Variants in AKAP6 observed in about 807,000 individuals in gnomAD.
AKAP6 encodes A-kinase anchor protein 6.
A neutral mutation model predicts 188.5 loss-of-function variants in AKAP6; 58 were observed. That is an observed-to-expected ratio of 0.31 (90% CI 0.25 to 0.38). AKAP6 has a LOEUF of 0.38. Among genes scored for constraint, AKAP6 ranks in the 10% least tolerant of loss-of-function variants. AKAP6 has a pLI of 1.00. For missense variants in AKAP6, 2,710 were observed against 2,740.0 expected (o/e 0.99, Z 0.24); for synonymous variants, 989 against 998.6 (o/e 0.99, Z 0.18).
At chr14:32,593,556 A>G (rs1455886623) in intron 5 of AKAP6, among the ~76,000 whole-genome samples, 1 of 152,208 alleles carries the variant, frequency 6.6e-6, no homozygotes, top group African/African-American at 2.4e-5. Flanking sequence ...GCCCTTGGGT[A>G]GATGAGTGGT....
At chr14:32,660,650 TG>T (rs1888647943) in intron 7 of AKAP6, among the ~76,000 whole-genome samples, 2 of 152,098 alleles carry the variant, frequency 1.3e-5, no homozygotes, top group South Asian at 4.1e-4. Flanking sequence ...TAAAGGAGTT[TG>T]TGAGGCCTAT....
intron 5 of AKAP6, among the ~76,000 whole-genome samples, chr14:32,579,098 A>G (rs1340618480): frequency 6.6e-6 from 1 of 152,162 alleles, no homozygotes; most frequent in African/African-American, 2.4e-5. Flanking sequence ...TGACATATTT[A>G]AATTTAAATT....
At chr14:32,734,093 C>CA (rs1316110477) in intron 10 of AKAP6, 1 of 152,002 alleles carries the variant, frequency 6.6e-6, no homozygotes, top group African/African-American at 2.4e-5. Flanking sequence ...GCCATTTTGA[C>CA]AAAAACATCA....
chr14:32,414,669 A>G (rs368064991), intron 1 of AKAP6, among the ~76,000 whole-genome samples: 9 of 152,312 alleles, frequency 5.9e-5, no homozygotes, highest in African/African-American at 1.4e-4. Flanking sequence ...CATTTTGAAC[A>G]TATATGTATA....
chr14:32,406,896 T>G (rs1213705149), intron 1 of AKAP6, among the ~76,000 whole-genome samples: 1 of 152,168 alleles, frequency 6.6e-6, no homozygotes, highest in East Asian at 1.9e-4. Context: ...AGTGCTTGAG[T>G]GGGGATGATT....
intron 12 of AKAP6, among the ~76,000 whole-genome samples, chr14:32,774,794 T>C (rs1423197407): frequency 6.6e-6 from 1 of 152,192 alleles, no homozygotes; most frequent in Non-Finnish European, 1.5e-5. Flanking sequence ...AAGTTTTCCT[T>C]ATATGTTTAT....
At chr14:32,716,161 A>G (rs1302354135) in intron 9 of AKAP6, among the ~76,000 whole-genome samples, 1 of 151,934 alleles carries the variant, frequency 6.6e-6, no homozygotes, top group Non-Finnish European at 1.5e-5. Context: ...CTTAATCAAT[A>G]GCCTTTTATC....
At position 32,822,293 on chromosome 14, in the gene AKAP6, G is replaced by A. The variant is rs1194420167; in HGVS notation, c.4480G>A (p.Val1494Met). The change falls in exon 13 of 14, where the codon GTG becomes ATG. Residue 1494 changes from valine (V) to methionine (M), a missense_variant. By Grantham distance (21) the Val-to-Met change is conservative. This residue lies in a region of AKAP6 where 2,473 missense variants were observed against 2,426.1 expected (regional missense o/e 1.02). Coordinates refer to ENST00000280979, the MANE Select transcript of AKAP6 (RefSeq NM_004274.5). ...ACAGTCACAAAGCGAAAAAGCGCAT[G>A]TGGAGGATCCCCTGCTTCGTGGTTT... ...MKQSQSEKAH[V>M]EDPLLRGFYF... The A allele has an allele frequency of 7.4e-6, 12 of 1,613,812 alleles. No individual in the cohort carries two copies. Among genetic ancestry groups the A allele is most frequent in the Admixed American group, 3.3e-5 (2 of 59,904 alleles).
At chr14:32,790,454 G>A (rs925728330) in intron 12 of AKAP6, among the ~76,000 whole-genome samples, 4 of 152,120 alleles carry the variant, frequency 2.6e-5, no homozygotes, top group Non-Finnish European at 5.9e-5. Flanking sequence ...AAGAAAAAAT[G>A]TTAAGGGCAG....
At chr14:32,355,145 A>G (rs1043917442) in intron 1 of AKAP6, among the ~76,000 whole-genome samples, 2 of 152,058 alleles carry the variant, frequency 1.3e-5, no homozygotes, top group Non-Finnish European at 2.9e-5. Context: ...CTTTTTACGT[A>G]CCTTAGATGG....
intron 2 of AKAP6, among the ~76,000 whole-genome samples, chr14:32,523,616 A>G (rs1881970858): frequency 6.6e-6 from 1 of 151,784 alleles, no homozygotes; most frequent in Admixed American, 6.6e-5. Context: ...CCACAGGCAC[A>G]CATCACTATG....
At chr14:32,610,836 A>G (rs902196958) in intron 7 of AKAP6, among the ~76,000 whole-genome samples, 1 of 152,170 alleles carries the variant, frequency 6.6e-6, no homozygotes, top group East Asian at 1.9e-4. Flanking sequence ...TAAGCAAGAG[A>G]TGAGGACTTA....
intron 7 of AKAP6, among the ~76,000 whole-genome samples, chr14:32,677,671 G>T (rs764131689): frequency 6.6e-6 from 1 of 152,166 alleles, no homozygotes; most frequent in Non-Finnish European, 1.5e-5. Flanking sequence ...TTTTGGCCTT[G>T]GTTTGATAGA....
intron 9 of AKAP6, among the ~76,000 whole-genome samples, chr14:32,726,756 C>G (rs1334228667): frequency 6.6e-6 from 1 of 152,230 alleles, no homozygotes; most frequent in African/African-American, 2.4e-5. Flanking sequence ...GATTGTCTAC[C>G]ATTTAGGTTA....
At chr14:32,350,712 C>A (rs1439120081) in intron 1 of AKAP6, among the ~76,000 whole-genome samples, 3 of 151,962 alleles carry the variant, frequency 2.0e-5, no homozygotes, top group Non-Finnish European at 4.4e-5. Context: ...ATCTTTGCAG[C>A]TTTTCTCTAA....
chr14:32,442,924 G>A (rs1401326246), intron 2 of AKAP6, among the ~76,000 whole-genome samples: 1 of 152,170 alleles, frequency 6.6e-6, no homozygotes, highest in Non-Finnish European at 1.5e-5. Context: ...TAGAATTAAA[G>A]TGAAAAGGAA....
chr14:32,547,707 G>A (rs777771396), intron 4 of AKAP6, among the ~76,000 whole-genome samples: 5 of 152,168 alleles, frequency 3.3e-5, no homozygotes, highest in East Asian at 3.9e-4. Flanking sequence ...AGCCAGGAGC[G>A]GTGGCACACA....
At chr14:32,480,937 T>C (rs1879310001) in intron 2 of AKAP6, among the ~76,000 whole-genome samples, 1 of 152,220 alleles carries the variant, frequency 6.6e-6, no homozygotes, top group Non-Finnish European at 1.5e-5. Context: ...TTCTGATGTA[T>C]AAGATTGTTA....
At chr14:32,551,417 C>T (rs1004589254) in intron 4 of AKAP6, among the ~76,000 whole-genome samples, 2 of 151,458 alleles carry the variant, frequency 1.3e-5, no homozygotes, top group African/African-American at 4.8e-5. Context: ...ACTAAATAAA[C>T]AAAAATTAGC....
Sources: gnomAD v4.1 joint callset for allele counts (sites outside exome capture counted in the v4.1 genomes callset) on GRCh38, gnomAD v4.1.1 for gene constraint, gnomAD v4.1.1 regional missense constraint, MANE v1.5 for transcripts, NCBI Gene and HGNC (gene_info 2026-07-23, HGNC 2026-07-21) for gene names.